The following DGKI variants were observed in gnomAD, a reference collection of about 807,000 sequenced individuals.
The protein encoded by DGKI is diacylglycerol kinase iota.
In DGKI, 55 loss-of-function variants were observed where a neutral mutation model predicts 147.5. That is an observed-to-expected ratio of 0.37 (90% CI 0.30 to 0.47). The LOEUF (loss-of-function observed/expected upper bound fraction) is 0.47. Among genes scored for constraint, DGKI ranks in the 20% least tolerant of loss-of-function variants. The pLI is 1.00. For synonymous variants in DGKI, 469 were observed against 477.1 expected (o/e 0.98, Z 0.22); for missense variants, 1,007 against 1,323.8 (o/e 0.76, Z 3.71).
chr7:137,765,966 T>C (rs1796003834), intron 1 of DGKI, among the ~76,000 whole-genome samples: 1 of 152,188 alleles, frequency 6.6e-6, no homozygotes, highest in South Asian at 2.1e-4. Flanking sequence ...AGTCAGGTTT[T>C]CAGAAAATAT....
chr7:137,645,446 A>G, intron 6 of DGKI, 26 bp downstream of exon 6: 1 of 1,608,960 alleles, frequency 6.2e-7, no homozygotes, highest in Non-Finnish European at 8.5e-7. Flanking sequence ...GCCTCCTGCG[A>G]GGCCATGAGG....
chr7:137,654,320 G>C (rs182432781), intron 5 of DGKI, among the ~76,000 whole-genome samples: 2 of 152,332 alleles, frequency 1.3e-5, no homozygotes, highest in Admixed American at 1.3e-4. Flanking sequence ...GGAATAACCA[G>C]TTACTGTGCT....
intron 6 of DGKI, among the ~76,000 whole-genome samples, chr7:137,633,375 T>C (rs183538287): frequency 1.3e-5 from 2 of 152,308 alleles, no homozygotes; most frequent in Admixed American, 1.3e-4. Flanking sequence ...GGTTTCTTGG[T>C]CTGTTGTGTA....
rs571903811 is a variant in DGKI at position 137,493,001 on chromosome 7, T to A, written c.2249-5312A>T. On this transcript the variant is annotated intron_variant, in intron 21 of 32. Coordinates refer to ENST00000614521, the MANE Select transcript of DGKI (RefSeq NM_001321708.2). ...CATCCTCTGTACCACTTTGCTGGCA[T>A]GCACTCATCCAAGGCCACCCCCATA... Among the ~76,000 whole-genome samples the A allele has an allele frequency of 4.6e-5, 7 of 152,186 alleles. No homozygotes were observed. The South Asian group carries it at 1.5e-3, about 32-fold the overall frequency.
intron 1 of DGKI, among the ~76,000 whole-genome samples, chr7:137,825,404 G>A (rs1798025082): frequency 6.6e-6 from 1 of 152,066 alleles, no homozygotes; most frequent in African/African-American, 2.4e-5. Context: ...TGGTGGTGGT[G>A]ACAGCAATAT....
At chr7:137,528,835 A>C (rs1259536846) in intron 20 of DGKI, among the ~76,000 whole-genome samples, 1 of 152,064 alleles carries the variant, frequency 6.6e-6, no homozygotes, top group East Asian at 1.9e-4. Context: ...TACCTTAATC[A>C]TTTGCAAATT....
chr7:137,471,546 AT>A (rs980945948), intron 23 of DGKI, among the ~76,000 whole-genome samples: 1 of 152,164 alleles, frequency 6.6e-6, no homozygotes, highest in African/African-American at 2.4e-5. Flanking sequence ...AGAAACACAA[AT>A]TTCCAGGGCC....
intron 19 of DGKI, among the ~76,000 whole-genome samples, chr7:137,561,070 C>T (rs1818402865): frequency 6.6e-6 from 1 of 152,064 alleles, no homozygotes; most frequent in Non-Finnish European, 1.5e-5. Context: ...AATTGCACTA[C>T]TGGGCATTTA....
chr7:137,599,275 T>C (rs1343322355), intron 11 of DGKI, among the ~76,000 whole-genome samples: 1 of 152,150 alleles, frequency 6.6e-6, no homozygotes, highest in African/African-American at 2.4e-5. Context: ...AAGCAGAGAA[T>C]GAGATTTCTG....
intron 5 of DGKI, among the ~76,000 whole-genome samples, chr7:137,653,370 G>A (rs1024054736): frequency 5.3e-5 from 8 of 152,158 alleles, no homozygotes; most frequent in Admixed American, 3.3e-4. Flanking sequence ...TTTCCTCCAC[G>A]CTGCAGCCTG....
At chr7:137,678,803 T>C (rs1341780933) in intron 2 of DGKI, 151 bp from the exon 3 acceptor site, 2 of 685,280 alleles carry the variant, frequency 2.9e-6, no homozygotes, top group African/African-American at 3.6e-5. Context: ...CTAGAGTTGA[T>C]TCTCCCGAAA....
intron 19 of DGKI, among the ~76,000 whole-genome samples, chr7:137,565,376 ATTTAC>A (rs1293662226): frequency 1.3e-5 from 2 of 152,156 alleles, no homozygotes; most frequent in Admixed American, 6.5e-5. Flanking sequence ...ATAACTGATA[ATTTAC>A]TTTAATTCTT....
intron 28 of DGKI, among the ~76,000 whole-genome samples, chr7:137,442,505 A>C (rs1252227167): frequency 6.6e-6 from 1 of 152,182 alleles, no homozygotes; most frequent in Non-Finnish European, 1.5e-5. Flanking sequence ...AACCAAACAC[A>C]AGCTTCTAGT....
intron 1 of DGKI, among the ~76,000 whole-genome samples, chr7:137,757,448 G>A (rs1483355729): frequency 6.6e-6 from 1 of 152,046 alleles, no homozygotes; most frequent in Non-Finnish European, 1.5e-5. Context: ...GGGATTCTGT[G>A]TTCAGCCCCT....
intron 28 of DGKI, among the ~76,000 whole-genome samples, chr7:137,438,864 A>C (rs1238562765): frequency 6.6e-6 from 1 of 152,190 alleles, no homozygotes; most frequent in Non-Finnish European, 1.5e-5. Flanking sequence ...ACAAATTCAA[A>C]ATACATAAAA....
At chr7:137,648,822 T>C (rs891527560) in intron 5 of DGKI, among the ~76,000 whole-genome samples, 7 of 152,210 alleles carry the variant, frequency 4.6e-5, no homozygotes, top group Non-Finnish European at 1.0e-4. Context: ...GAATATCATA[T>C]AGTTTAGTCA....
At chr7:137,678,047 T>C (rs1823095803) in intron 3 of DGKI, among the ~76,000 whole-genome samples, 1 of 152,164 alleles carries the variant, frequency 6.6e-6, no homozygotes, top group South Asian at 2.1e-4. Flanking sequence ...TGTTGATTGT[T>C]TATATTATTT....
chr7:137,621,974 T>A (rs1339095620), intron 7 of DGKI, among the ~76,000 whole-genome samples: 1 of 152,182 alleles, frequency 6.6e-6, no homozygotes, highest in Non-Finnish European at 1.5e-5. Context: ...AATGGAGATA[T>A]TGCCTTGCTG....
At chr7:137,844,390 G>T (rs557026321) in intron 1 of DGKI, among the ~76,000 whole-genome samples, 9 of 152,292 alleles carry the variant, frequency 5.9e-5, no homozygotes, top group African/African-American at 1.9e-4. Context: ...GGGCAAAATA[G>T]GGTGGCAATC....
Sources: allele counts gnomAD v4.1 joint callset (sites outside exome capture counted in the v4.1 genomes callset), GRCh38; gene constraint gnomAD v4.1.1; transcripts MANE v1.5; gene names NCBI Gene and HGNC (gene_info 2026-07-23, HGNC 2026-07-21).